MSRA: variants seen among roughly 807,000 people sequenced by gnomAD.
The protein encoded by MSRA is mitochondrial peptide methionine sulfoxide reductase.
In MSRA, 54 loss-of-function variants were observed where a neutral mutation model predicts 31.3. The ratio of observed to expected loss-of-function variants is 1.73; its 90% confidence interval spans 1.39 to 2.17. The LOEUF (loss-of-function observed/expected upper bound fraction) is 2.17, where lower values mean the gene tolerates loss of function less well. MSRA is among the 30% of genes most tolerant of loss of function. The pLI is 0.00. For missense variants in MSRA, 507 were observed against 300.9 expected, an observed-to-expected ratio of 1.69 and a Z score of -5.07; for synonymous variants, 169 against 116.5, an observed-to-expected ratio of 1.45 and a Z score of -2.90.
chr8:10,122,424 A>G (rs749797282), intron 1 of MSRA, among the ~76,000 whole-genome samples: 3 of 152,186 alleles, frequency 2.0e-5, no homozygotes, highest in Non-Finnish European at 2.9e-5. Flanking sequence ...ATTGTTTTTT[A>G]AAAAACAAAA....
chr8:10,319,771 C>G, intron 4 of MSRA, 112 bp from the exon 5 acceptor site: 3 of 497,076 alleles, frequency 6.0e-6, no homozygotes, highest in Non-Finnish European at 6.8e-6. Flanking sequence ...AGCAACACAT[C>G]AGGCACAGGG....
intron 1 of MSRA, among the ~76,000 whole-genome samples, chr8:10,200,254 A>C (rs1236515886): frequency 6.6e-6 from 1 of 152,202 alleles, no homozygotes; most frequent in Non-Finnish European, 1.5e-5. Context: ...TAAAATCCTG[A>C]ATGACACCTG....
At chr8:10,246,581 C>T (rs146712873) in intron 3 of MSRA, among the ~76,000 whole-genome samples, 3 of 152,184 alleles carry the variant, frequency 2.0e-5, no homozygotes, top group East Asian at 1.9e-4. Flanking sequence ...CTCAGCCCTC[C>T]AAGGGCACCA....
intron 1 of MSRA, among the ~76,000 whole-genome samples, chr8:10,184,679 C>G (rs890870727): frequency 1.2e-4 from 18 of 152,184 alleles, no homozygotes; most frequent in African/African-American, 4.1e-4. Context: ...TTTGTTTTCA[C>G]TGATCTACTT....
chr8:10,221,999 C>A (rs932594728), intron 2 of MSRA, among the ~76,000 whole-genome samples: 1 of 145,112 alleles, frequency 6.9e-6, no homozygotes, highest in Non-Finnish European at 1.5e-5. Flanking sequence ...ACAGGTAATT[C>A]GTGGGTAATT....
At chr8:10,264,968 G>A (rs970115479) in intron 3 of MSRA, among the ~76,000 whole-genome samples, 1 of 152,176 alleles carries the variant, frequency 6.6e-6, no homozygotes, top group African/African-American at 2.4e-5. Flanking sequence ...TGGAGCTGGG[G>A]TACAGCTGGG....
intron 5 of MSRA, among the ~76,000 whole-genome samples, chr8:10,332,381 A>G (rs1246668674): frequency 6.6e-6 from 1 of 152,046 alleles, no homozygotes; most frequent in African/African-American, 2.4e-5. Context: ...TAAAGCATGA[A>G]GTTATGATTT....
chr8:10,221,645 C>T (rs1435958276), intron 2 of MSRA, among the ~76,000 whole-genome samples: 1 of 151,948 alleles, frequency 6.6e-6, no homozygotes, highest in African/African-American at 2.4e-5. Context: ...GCTTATACTC[C>T]AGTAGGGTGG....
intron 1 of MSRA, among the ~76,000 whole-genome samples, chr8:10,150,601 A>G (rs1022766291): frequency 6.6e-6 from 1 of 152,180 alleles, no homozygotes; most frequent in Non-Finnish European, 1.5e-5. Flanking sequence ...GAAACAAACA[A>G]CAAAAAAAAG....
intron 5 of MSRA, among the ~76,000 whole-genome samples, chr8:10,387,585 T>C (rs13249940): frequency 0.92 from 139,774 of 152,206 alleles, 64,907 homozygotes; most frequent in Non-Finnish European, 0.97. Flanking sequence ...GTCAGAGTTC[T>C]TCTTAGCGCT....
chr8:10,233,415 T>A (rs1398303527), intron 2 of MSRA, among the ~76,000 whole-genome samples: 1 of 152,232 alleles, frequency 6.6e-6, no homozygotes, highest in Non-Finnish European at 1.5e-5. Flanking sequence ...TAATTTTTTA[T>A]AACAAACAAA....
chr8:10,081,678 C>T (rs956382977), intron 1 of MSRA, among the ~76,000 whole-genome samples: 5 of 152,020 alleles, frequency 3.3e-5, no homozygotes, highest in African/African-American at 9.7e-5. Flanking sequence ...TTAGTAGAGA[C>T]GGGGTTTCAC....
chr8:10,147,697 C>T (rs947761116), intron 1 of MSRA, among the ~76,000 whole-genome samples: 3 of 152,112 alleles, frequency 2.0e-5, no homozygotes, highest in South Asian at 2.1e-4. Context: ...AAGGCTGTAA[C>T]GAGAAGGGTG....
At chr8:10,243,473 A>G (rs1027233951) in intron 2 of MSRA, among the ~76,000 whole-genome samples, 19 of 152,220 alleles carry the variant, frequency 1.2e-4, no homozygotes, top group African/African-American at 4.1e-4. Flanking sequence ...TAGATACTCA[A>G]TAAATATTTA....
At chr8:10,406,620 G>A (rs534809777) in intron 5 of MSRA, among the ~76,000 whole-genome samples, 1 of 152,344 alleles carries the variant, frequency 6.6e-6, no homozygotes, top group South Asian at 2.1e-4. Context: ...TGGCCAGTCT[G>A]TTGCTCTCTT....
chr8:10,244,212 A>G (rs1032425206), intron 2 of MSRA, among the ~76,000 whole-genome samples: 1 of 152,230 alleles, frequency 6.6e-6, no homozygotes, highest in East Asian at 1.9e-4. Flanking sequence ...GTGAGGCAGT[A>G]ATCTTTTTTA....
intron 1 of MSRA, among the ~76,000 whole-genome samples, chr8:10,114,144 C>G (rs1233828774): frequency 6.6e-6 from 1 of 152,208 alleles, no homozygotes; most frequent in Non-Finnish European, 1.5e-5. Flanking sequence ...TATCAGTATT[C>G]CATTCCTTTT....
At chr8:10,242,332 CA>C (rs1797377300) in intron 2 of MSRA, among the ~76,000 whole-genome samples, 1 of 151,338 alleles carries the variant, frequency 6.6e-6, no homozygotes, top group African/African-American at 2.4e-5. Context: ...ACTATAATGT[CA>C]GGGGTGGACA....
intron 1 of MSRA, among the ~76,000 whole-genome samples, chr8:10,092,487 A>G (rs916977234): frequency 2.0e-5 from 3 of 152,100 alleles, no homozygotes; most frequent in Non-Finnish European, 2.9e-5. Context: ...GTGAAACCCC[A>G]TCTTTACTAA....
Sources: allele counts gnomAD v4.1 joint callset (sites outside exome capture counted in the v4.1 genomes callset), GRCh38; gene constraint gnomAD v4.1.1; transcripts MANE v1.5; gene names NCBI Gene and HGNC (gene_info 2026-07-23, HGNC 2026-07-21).